The following KCNG2 variants were observed in gnomAD, a reference collection of about 807,000 sequenced individuals.
The protein encoded by KCNG2 is potassium voltage-gated channel modifier subfamily G member 2.
A neutral mutation model predicts 12.3 loss-of-function variants in KCNG2; 7 were observed. That is an observed-to-expected ratio of 0.57 (90% CI 0.32 to 1.07). KCNG2 has a LOEUF of 1.07. KCNG2 is among the 50% of genes least tolerant of loss of function. The pLI, the probability that KCNG2 is intolerant of heterozygous loss-of-function variation, is 0.04. For synonymous variants in KCNG2, 414 were observed against 351.4 expected (o/e 1.18, Z -1.99); for missense variants, 703 against 726.0 (o/e 0.97, Z 0.36).
chr18:79,803,631 C>T lies in KCNG2; in HGVS notation c.-115+5617C>T, dbSNP rs1388559847. Among the ~76,000 whole-genome samples, 1 of 152,144 alleles carries T rather than the reference C, an allele frequency of 6.6e-6. No individual in the cohort carries two copies. Among genetic ancestry groups the T allele is most frequent in the Admixed American group, 6.5e-5 (1 of 15,276 alleles). On this transcript the variant is annotated intron_variant, in intron 1 of 3. Coordinates refer to ENST00000316249, the MANE Select transcript of KCNG2 (RefSeq NM_012283.2). The surrounding 1 kb of genome is among the most constrained non-coding windows in gnomAD (Gnocchi z 4.5). ...CTGCAGGGCTGGCCGTGATTCTCAC[C>T]ACTTGTGGTCCAAGGCTTCTGCTGG...
chr18:79,882,309 G>A lies in KCNG2; in HGVS notation c.625-16731G>A, dbSNP rs575560232. 4.6e-5 allele frequency among the ~76,000 whole-genome samples: 7 copies of A among 152,300 alleles called. No homozygotes were observed. In the East Asian group the frequency reaches 5.8e-4, roughly 13 times the overall value. On this transcript the variant is annotated intron_variant, in intron 3 of 3. Transcript: ENST00000316249. Reference sequence around the variant, plus strand: ...AGATCACTTCAGCCCAGGAGTTCACGACCAGCCTGGGCAATATAGCAAGAC... The same window carrying A: ...AGATCACTTCAGCCCAGGAGTTCACAACCAGCCTGGGCAATATAGCAAGAC...
chr18:79,891,753 T>G (rs1760622822), intron 3 of KCNG2, among the ~76,000 whole-genome samples: 1 of 152,216 alleles, frequency 6.6e-6, no homozygotes, highest in African/African-American at 2.4e-5. Flanking sequence ...TTTCTATCCT[T>G]TTAAATGTAT....
At chr18:79,824,760 A>AT (rs2087599472) in intron 1 of KCNG2, among the ~76,000 whole-genome samples, 2 of 152,136 alleles carry the variant, frequency 1.3e-5, no homozygotes, top group Non-Finnish European at 2.9e-5. Flanking sequence ...ATGGTGCATG[A>AT]TGTTAATGGA....
intron 3 of KCNG2, among the ~76,000 whole-genome samples, chr18:79,873,235 T>C (rs1311602160): frequency 6.6e-6 from 1 of 152,252 alleles, no homozygotes; most frequent in Non-Finnish European, 1.5e-5. Flanking sequence ...TCTCGCCTCC[T>C]GTCCGTATCA....
chr18:79,895,025 A>G (rs1197990002), intron 3 of KCNG2, among the ~76,000 whole-genome samples: 1 of 150,230 alleles, frequency 6.7e-6, no homozygotes, highest in African/African-American at 2.5e-5. Flanking sequence ...CGATTGATAT[A>G]GTTAGGTCTC....
At chr18:79,827,911 TTTTC>T (rs1257528004) in intron 1 of KCNG2, among the ~76,000 whole-genome samples, 36 of 147,312 alleles carry the variant, frequency 2.4e-4, no homozygotes, top group African/African-American at 8.4e-4. Context: ...TAATATTCTT[TTTTC>T]TTTCTTTCTT....
At chr18:79,863,475 C>T (rs1047423306) in intron 2 of KCNG2, among the ~76,000 whole-genome samples, 153 bp from the exon 3 acceptor site, 1 of 152,224 alleles carries the variant, frequency 6.6e-6, no homozygotes, top group African/African-American at 2.4e-5. Context: ...GTGCAGAGGT[C>T]GGGCCTGCGG....
At chr18:79,897,186 C>T (rs1276233683) in intron 3 of KCNG2, among the ~76,000 whole-genome samples, 4 of 152,034 alleles carry the variant, frequency 2.6e-5, no homozygotes, top group Non-Finnish European at 2.9e-5. Context: ...TCTCTCCTCT[C>T]CTTGGGTATT....
intron 3 of KCNG2, among the ~76,000 whole-genome samples, chr18:79,898,601 T>A (rs888619726): frequency 6.6e-6 from 1 of 152,214 alleles, no homozygotes; most frequent in African/African-American, 2.4e-5. Context: ...TCTGTGTTCG[T>A]GGCTGCAGCC....
intron 1 of KCNG2, among the ~76,000 whole-genome samples, chr18:79,830,403 C>G (rs1978292128): frequency 6.6e-6 from 1 of 152,234 alleles, no homozygotes; most frequent in Non-Finnish European, 1.5e-5. Flanking sequence ...AGCCAGAGCT[C>G]ACTGGGACAT....
At position 79,797,943 on chromosome 18, in the gene KCNG2, C is replaced by T. The variant is rs929388911; in HGVS notation, c.-186C>T. On this transcript the variant is annotated 5_prime_UTR_variant, in exon 1 of 4. It adds an upstream start codon to the 5' untranslated region. Transcript: ENST00000316249. Reference sequence around the variant, plus strand: ...GAGTCCGGGATGCCGGCTCCAGAGACGCCGCGCTCCGCCCCGAGGAGGCCG... The same window carrying T: ...GAGTCCGGGATGCCGGCTCCAGAGATGCCGCGCTCCGCCCCGAGGAGGCCG... 2.0e-5 allele frequency among the ~76,000 whole-genome samples: 3 copies of T among 151,476 alleles called. No homozygotes were observed. Among genetic ancestry groups the T allele is most frequent in the African/African-American group, 7.3e-5 (3 of 41,210 alleles).
chr18:79,887,764 C>T (rs1178735418), intron 3 of KCNG2, among the ~76,000 whole-genome samples: 1 of 152,204 alleles, frequency 6.6e-6, no homozygotes, highest in African/African-American at 2.4e-5. Flanking sequence ...CTCCCTCGGG[C>T]ACAGATCGGG....
At chr18:79,879,348 G>A (rs369846471) in intron 3 of KCNG2, among the ~76,000 whole-genome samples, 14 of 152,316 alleles carry the variant, frequency 9.2e-5, no homozygotes, top group African/African-American at 2.9e-4. Flanking sequence ...CCCCCGTCTC[G>A]AGGAAGTGAG....
At position 79,899,249 on chromosome 18, in the gene KCNG2, G is replaced by C; in HGVS notation, c.834G>C (p.Lys278Asn). 1 of 1,594,674 alleles carries C rather than the reference G, an allele frequency of 6.3e-7. No individual in the cohort carries two copies. Among genetic ancestry groups the C allele is most frequent in the East Asian group, 2.2e-5 (1 of 44,650 alleles). ...TGGCGGCAGGCCCGGGCGGGACCAA[G>C]CTCCTGGAGCGCGCGGGGCTGGTGC... ...LGLAAGPGGTKLLERAGLVLR... is the reference protein window; with the variant it reads ...LGLAAGPGGTNLLERAGLVLR... The change falls in exon 4 of 4, where the codon AAG becomes AAC. Residue 278 changes from lysine to asparagine, a missense_variant. Coordinates refer to ENST00000316249, the MANE Select transcript of KCNG2 (RefSeq NM_012283.2).
At chr18:79,878,501 G>A (rs1049742907) in intron 3 of KCNG2, among the ~76,000 whole-genome samples, 3 of 151,646 alleles carry the variant, frequency 2.0e-5, no homozygotes, top group African/African-American at 7.3e-5. Flanking sequence ...ATGCCACGTG[G>A]CAGTGTGCGG....
chr18:79,898,836 G>A (rs1188787028), intron 3 of KCNG2, among the ~76,000 whole-genome samples: 4 of 152,248 alleles, frequency 2.6e-5, no homozygotes, highest in African/African-American at 4.8e-5. Flanking sequence ...TCTCAAGCCC[G>A]AAGTGATCAC....
intron 3 of KCNG2, among the ~76,000 whole-genome samples, chr18:79,895,493 A>G (rs894132812): frequency 5.3e-5 from 8 of 151,378 alleles, no homozygotes; most frequent in Admixed American, 2.0e-4. Flanking sequence ...CATGCCATTA[A>G]TAACGATTGA....
chr18:79,889,686 G>A (rs902220901), intron 3 of KCNG2, among the ~76,000 whole-genome samples: 3 of 152,226 alleles, frequency 2.0e-5, no homozygotes, highest in African/African-American at 7.2e-5. Flanking sequence ...GAACCAACAT[G>A]ACATGACCTT....
At chr18:79,857,052 CCCCCCACAGCCG>C (rs1169469479) in intron 2 of KCNG2, among the ~76,000 whole-genome samples, 30 of 145,222 alleles carry the variant, frequency 2.1e-4, no homozygotes, top group East Asian at 4.2e-4. Context: ...TCTCTGCCTG[CCCCCCACAGCCG>C]CCCCCACAGC....
Sources: gnomAD v4.1 joint callset for allele counts (sites outside exome capture counted in the v4.1 genomes callset) on GRCh38, gnomAD v4.1.1 for gene constraint, Gnocchi (gnomAD v3.1) non-coding constraint, MANE v1.5 for transcripts, NCBI Gene and HGNC (gene_info 2026-07-23, HGNC 2026-07-21) for gene names.